The following TAX1BP1 variants were observed in gnomAD, a reference collection of about 807,000 sequenced individuals.
TAX1BP1 encodes Tax1 binding protein 1.
A neutral mutation model predicts 97.7 loss-of-function variants in TAX1BP1; 62 were observed. The ratio of observed to expected loss-of-function variants is 0.63; its 90% CI spans 0.52 to 0.78. The LOEUF is 0.78. Ranked by LOEUF, TAX1BP1 falls within the 30% of genes least tolerant of loss-of-function variation. TAX1BP1 has a pLI of 0.00. For synonymous variants in TAX1BP1, 340 were observed against 304.2 expected (o/e 1.12, Z -1.23); for missense variants, 867 against 916.1 (o/e 0.95, Z 0.69).
chr7:27,778,946 G>A (rs985366623), intron 5 of TAX1BP1, among the ~76,000 whole-genome samples: 3 of 151,760 alleles, frequency 2.0e-5, no homozygotes, highest in African/African-American at 7.3e-5. Flanking sequence ...ATTTTAGGAT[G>A]TTTTTTATCA....
At chr7:27,752,815 A>G (rs563336947) in intron 2 of TAX1BP1, among the ~76,000 whole-genome samples, 1 of 152,342 alleles carries the variant, frequency 6.6e-6, no homozygotes, top group Admixed American at 6.5e-5. Context: ...GACTTGTTCA[A>G]AGTTATCCAT....
At position 27,766,016 on chromosome 7, in the gene TAX1BP1, C is replaced by G. The variant is rs1788619666; in HGVS notation, c.448C>G (p.Leu150Val). 2 of 1,613,266 alleles carry G rather than the reference C, an allele frequency of 1.2e-6. No individual in the cohort carries two copies. The highest frequency in any genetic ancestry group is 4.5e-5 in the East Asian group (2 of 44,860). Residue 150 changes from leucine (L) to valine (V), a missense_variant, in exon 4 of 17, where the codon CTT (leucine) becomes GTT (valine). Around this residue, in one of 3 missense-constraint regions of TAX1BP1, gnomAD observed 822 missense variants for 851.4 expected, o/e 0.97. Transcript: ENST00000396319. ...AGTGGTGACCACAAAAGCAGGCCTT[C>G]TTGAGGTTGGTGTTCACAGTGAGAT... ...MLVVTTKAGL[L>V]ELKIEKTMKE...
chr7:27,828,761 T>A lies in TAX1BP1; in HGVS notation c.2302T>A (p.Tyr768Asn). The A allele has an allele frequency of 6.2e-7, 1 of 1,613,910 alleles. No individual in the cohort carries two copies. Among genetic ancestry groups the A allele is most frequent in the Non-Finnish European group, 8.5e-7 (1 of 1,179,968 alleles). The change falls in exon 17 of 17, where the codon TAT (tyrosine) becomes AAT (asparagine). Residue 768 changes from tyrosine to asparagine, a missense_variant. Physicochemically the swap from Tyr to Asn is moderately radical, Grantham distance 143. This residue lies in a region of TAX1BP1 where 34 missense variants were observed against 33.2 expected (regional missense o/e 1.02). Coordinates refer to ENST00000396319, the MANE Select transcript of TAX1BP1 (RefSeq NM_006024.7). ...GTGCAGCGAGCAGTTCCCTCCTGACTATGACCAGCAGGTGTTTGAAAGGCA... is the reference window on the plus strand; with the variant it reads ...GTGCAGCGAGCAGTTCCCTCCTGACAATGACCAGCAGGTGTTTGAAAGGCA... ...PMCSEQFPPD[Y>N]DQQVFERHVQ...
At chr7:27,764,685 C>T (rs1396282049) in intron 3 of TAX1BP1, among the ~76,000 whole-genome samples, 1 of 152,142 alleles carries the variant, frequency 6.6e-6, no homozygotes, top group African/African-American at 2.4e-5. Flanking sequence ...TAGTATCCCT[C>T]TGTGCATCTT....
chr7:27,816,273 C>A (rs1212302707), intron 13 of TAX1BP1, 76 bp from the exon 14 acceptor site: 1 of 1,161,042 alleles, frequency 8.6e-7, no homozygotes, highest in Non-Finnish European at 1.2e-6. Flanking sequence ...TATATTTTGA[C>A]TAAATGTTTA....
intron 1 of TAX1BP1, among the ~76,000 whole-genome samples, chr7:27,746,182 C>T (rs1026487571): frequency 1.3e-5 from 2 of 152,014 alleles, no homozygotes; most frequent in African/African-American, 4.8e-5. Flanking sequence ...TGATTAAAAA[C>T]ATGGGACGTT....
intron 1 of TAX1BP1, among the ~76,000 whole-genome samples, chr7:27,742,065 A>G (rs1045651217): frequency 9.2e-5 from 14 of 152,250 alleles, no homozygotes; most frequent in South Asian, 2.1e-4. Context: ...CTATCTCAGT[A>G]GATGGAACGT....
intron 13 of TAX1BP1, among the ~76,000 whole-genome samples, chr7:27,805,359 A>G (rs1273842362): frequency 6.6e-6 from 1 of 152,016 alleles, no homozygotes; most frequent in Non-Finnish European, 1.5e-5. Context: ...TTTTTCCCCT[A>G]TTAGAGATAT....
intron 3 of TAX1BP1, among the ~76,000 whole-genome samples, chr7:27,762,996 G>C (rs546502510): frequency 7.6e-4 from 115 of 152,242 alleles, no homozygotes; most frequent in African/African-American, 2.7e-3. Flanking sequence ...TGTTTTACAA[G>C]TTTCTGAAAA....
chr7:27,801,347 T>G (rs1790132099), intron 13 of TAX1BP1, among the ~76,000 whole-genome samples: 1 of 152,050 alleles, frequency 6.6e-6, no homozygotes, highest in Admixed American at 6.6e-5. Flanking sequence ...TAGTTTTCCC[T>G]TTTAGGGGCT....
intron 4 of TAX1BP1, among the ~76,000 whole-genome samples, chr7:27,768,415 C>G (rs1354839833): frequency 6.6e-6 from 1 of 151,842 alleles, no homozygotes; most frequent in Non-Finnish European, 1.5e-5. Context: ...AATTTGAATT[C>G]TTCTAAAAAT....
chr7:27,805,518 A>G (rs949447644), intron 13 of TAX1BP1, among the ~76,000 whole-genome samples: 8 of 152,186 alleles, frequency 5.3e-5, no homozygotes, highest in Non-Finnish European at 1.2e-4. Context: ...CAGCAATGTT[A>G]GCACCATCTG....
chr7:27,769,971 G>C, intron 5 of TAX1BP1, 137 bp downstream of exon 5: 1 of 735,612 alleles, frequency 1.4e-6, no homozygotes, highest in Non-Finnish European at 2.2e-6. Context: ...GTTTATACAA[G>C]AACAGGTCAG....
intron 7 of TAX1BP1, among the ~76,000 whole-genome samples, chr7:27,786,435 A>T (rs1331043609): frequency 1.3e-5 from 2 of 151,934 alleles, no homozygotes; most frequent in East Asian, 1.9e-4. Context: ...TTATTTATTT[A>T]TTTTTTTAAG....
chr7:27,790,053 A>C (rs1789644583), intron 8 of TAX1BP1, among the ~76,000 whole-genome samples: 1 of 152,010 alleles, frequency 6.6e-6, no homozygotes, highest in Non-Finnish European at 1.5e-5. Flanking sequence ...TAAACAGTAC[A>C]TGAGGATACA....
chr7:27,765,393 A>G (rs1353889291), intron 3 of TAX1BP1, among the ~76,000 whole-genome samples: 1 of 152,150 alleles, frequency 6.6e-6, no homozygotes, highest in Non-Finnish European at 1.5e-5. Context: ...CATGTGCAGC[A>G]TATTACTTTA....
intron 8 of TAX1BP1, among the ~76,000 whole-genome samples, chr7:27,788,192 T>C (rs1434231211): frequency 6.6e-6 from 1 of 152,092 alleles, no homozygotes; most frequent in Non-Finnish European, 1.5e-5. Context: ...CATGACTAGA[T>C]TCAGGTGAGA....
intron 8 of TAX1BP1, among the ~76,000 whole-genome samples, chr7:27,790,838 G>A (rs1789677532): frequency 1.3e-5 from 2 of 152,052 alleles, no homozygotes; most frequent in Non-Finnish European, 2.9e-5. Context: ...CTAAACCCAT[G>A]CAAATATTGG....
chr7:27,778,239 A>G (rs73073380), intron 5 of TAX1BP1, among the ~76,000 whole-genome samples: 11,737 of 152,232 alleles, frequency 0.077, 652 homozygotes, highest in Middle Eastern at 0.12. Flanking sequence ...TCACTGAGAA[A>G]GTATTGCTAT....
Sources: gnomAD v4.1 joint callset for allele counts (sites outside exome capture counted in the v4.1 genomes callset) on GRCh38, gnomAD v4.1.1 for gene constraint, gnomAD v4.1.1 regional missense constraint, MANE v1.5 for transcripts, NCBI Gene and HGNC (gene_info 2026-07-23, HGNC 2026-07-21) for gene names.